The following MEMO1 variants were observed in gnomAD, a reference collection of about 807,000 sequenced individuals.
MEMO1 encodes the protein mediator of cell motility 1, also known as protein MEMO1.
A neutral mutation model predicts 45.2 loss-of-function variants in MEMO1; 6 were observed. The observed-to-expected ratio is 0.13, with a 90% CI of 0.07 to 0.26. MEMO1 has a LOEUF of 0.26. Ranked by LOEUF, MEMO1 falls within the 10% of genes least tolerant of loss-of-function variation. The pLI is 1.00. For missense variants in MEMO1, 184 were observed against 370.5 expected, an observed-to-expected ratio of 0.50 and a Z score of 4.13; for synonymous variants, 78 against 124.3, an observed-to-expected ratio of 0.63 and a Z score of 2.48.
At chr2:31,941,031 C>G (rs1665554242) in intron 3 of MEMO1, among the ~76,000 whole-genome samples, 1 of 152,190 alleles carries the variant, frequency 6.6e-6, no homozygotes, top group South Asian at 2.1e-4. Flanking sequence ...ATCCATACAG[C>G]AGCAAGAGTA....
At chr2:32,002,617 C>G (rs1177722047) in intron 2 of MEMO1, among the ~76,000 whole-genome samples, 1 of 152,060 alleles carries the variant, frequency 6.6e-6, no homozygotes, top group Non-Finnish European at 1.5e-5. Context: ...AAACAAGTTA[C>G]TCAACTTAGG....
intron 2 of MEMO1, among the ~76,000 whole-genome samples, chr2:31,966,233 T>A (rs1162689410): frequency 6.6e-6 from 1 of 152,110 alleles, no homozygotes; most frequent in Non-Finnish European, 1.5e-5. Flanking sequence ...CATAATACAT[T>A]ACAAAAATGG....
intron 7 of MEMO1, among the ~76,000 whole-genome samples, chr2:31,890,402 G>A (rs899297495): frequency 4.6e-5 from 7 of 152,050 alleles, no homozygotes; most frequent in African/African-American, 1.4e-4. Context: ...AGGAAAATAT[G>A]CTGTTTTGCA....
intron 4 of MEMO1, among the ~76,000 whole-genome samples, chr2:31,926,334 G>A (rs566863433): frequency 6.8e-6 from 1 of 147,430 alleles, no homozygotes; most frequent in South Asian, 2.1e-4. Context: ...TCATGCCACT[G>A]ACTCCAGACT....
chr2:31,997,689 AG>A (rs1384489051), intron 2 of MEMO1, among the ~76,000 whole-genome samples: 1 of 152,248 alleles, frequency 6.6e-6, no homozygotes, highest in African/African-American at 2.4e-5. Flanking sequence ...ATGTGGTGAA[AG>A]GAAAAATGGT....
intron 2 of MEMO1, among the ~76,000 whole-genome samples, chr2:31,953,906 T>C (rs1667122929): frequency 6.6e-6 from 1 of 152,244 alleles, no homozygotes; most frequent in African/African-American, 2.4e-5. Context: ...TGCTCCCATT[T>C]GCTAAAATTA....
At chr2:31,895,264 G>T (rs1677585374) in intron 6 of MEMO1, among the ~76,000 whole-genome samples, 1 of 152,116 alleles carries the variant, frequency 6.6e-6, no homozygotes, top group Admixed American at 6.5e-5. Context: ...TATTCGGCGG[G>T]AAAAATAAGC....
intron 2 of MEMO1, among the ~76,000 whole-genome samples, chr2:31,995,779 A>G (rs1672519571): frequency 1.3e-5 from 2 of 152,172 alleles, no homozygotes; most frequent in African/African-American, 4.8e-5. Context: ...CCAGGCATCT[A>G]AGAATCACAG....
rs946721483 is a variant in MEMO1 at position 31,969,612 on chromosome 2, T to G, written c.62-26229A>C. ...GTGTGTGTGTGTGTGTGTGTGTGTG[T>G]GTGTGTGTGTGTGTGTGTGTGTTTA... On this transcript the variant is annotated intron_variant, in intron 2 of 9. Coordinates refer to ENST00000404530, the MANE Select transcript of MEMO1 (RefSeq NM_001301833.4). Among the ~76,000 whole-genome samples, 314 of 150,640 alleles carry G rather than the reference T, an allele frequency of 2.1e-3. 4 individuals carry two copies. Among genetic ancestry groups the G allele is most frequent in the African/African-American group, 7.1e-3 (293 of 41,012 alleles).
At chr2:31,906,225 C>T (rs1679698860) in intron 6 of MEMO1, among the ~76,000 whole-genome samples, 1 of 152,166 alleles carries the variant, frequency 6.6e-6, no homozygotes, top group African/African-American at 2.4e-5. Context: ...CCGCCTCAAC[C>T]TCCCAAAGTG....
chr2:31,955,489 C>A (rs773366243), intron 2 of MEMO1, among the ~76,000 whole-genome samples: 5 of 152,172 alleles, frequency 3.3e-5, no homozygotes, highest in Non-Finnish European at 5.9e-5. Flanking sequence ...GAAAATAAAA[C>A]TCAGACTCTT....
At chr2:31,946,330 A>G (rs1666193531) in intron 2 of MEMO1, among the ~76,000 whole-genome samples, 1 of 152,178 alleles carries the variant, frequency 6.6e-6, no homozygotes, top group Non-Finnish European at 1.5e-5. Context: ...TTATAATGCT[A>G]CACATAAACA....
chr2:31,924,032 A>G (rs989820957), intron 4 of MEMO1, among the ~76,000 whole-genome samples: 5 of 152,180 alleles, frequency 3.3e-5, no homozygotes, highest in Admixed American at 2.0e-4. Context: ...AAACTCACCA[A>G]TAGCCAAATC....
chr2:31,933,567 CACA>C (rs1288110002), intron 3 of MEMO1, among the ~76,000 whole-genome samples: 2 of 151,376 alleles, frequency 1.3e-5, no homozygotes, highest in Non-Finnish European at 2.9e-5. Context: ...CCAATCATAT[CACA>C]ACAAGGCTCT....
At chr2:31,999,301 T>C (rs1672981625) in intron 2 of MEMO1, among the ~76,000 whole-genome samples, 1 of 152,120 alleles carries the variant, frequency 6.6e-6, no homozygotes, top group Non-Finnish European at 1.5e-5. Context: ...CAAGTAATTA[T>C]ATTAAATCTA....
intron 6 of MEMO1, among the ~76,000 whole-genome samples, chr2:31,897,989 T>C (rs916334208): frequency 6.6e-6 from 1 of 152,046 alleles, no homozygotes; most frequent in African/African-American, 2.4e-5. Context: ...CTAAATTTTC[T>C]AGTTTATTTG....
At chr2:32,007,647 G>C (rs1674270227) in intron 2 of MEMO1, among the ~76,000 whole-genome samples, 1 of 152,174 alleles carries the variant, frequency 6.6e-6, no homozygotes, top group South Asian at 2.1e-4. Flanking sequence ...CAACTTGAAT[G>C]CTGTAGGAAC....
At chr2:32,007,790 A>G (rs1674289039) in intron 2 of MEMO1, among the ~76,000 whole-genome samples, 1 of 152,212 alleles carries the variant, frequency 6.6e-6, no homozygotes, top group Non-Finnish European at 1.5e-5. Flanking sequence ...AGGTACACTG[A>G]CAAATATTAA....
At chr2:31,949,285 A>G (rs1666546318) in intron 2 of MEMO1, among the ~76,000 whole-genome samples, 1 of 152,194 alleles carries the variant, frequency 6.6e-6, no homozygotes, top group African/African-American at 2.4e-5. Flanking sequence ...AAAGGAAATC[A>G]CTATATTGAA....
Sources: gnomAD v4.1 joint callset for allele counts (sites outside exome capture counted in the v4.1 genomes callset) on GRCh38, gnomAD v4.1.1 for gene constraint, MANE v1.5 for transcripts, NCBI Gene and HGNC (gene_info 2026-07-23, HGNC 2026-07-21) for gene names.